CERT1: variants seen among roughly 807,000 people sequenced by gnomAD.
CERT1 encodes ceramide transfer protein.
CERT1 carries 31 observed loss-of-function variants against 87.9 expected under a neutral mutation model. That is an observed-to-expected ratio of 0.35 (90% CI 0.27 to 0.48). The LOEUF is 0.48. CERT1 is among the 20% of genes least tolerant of loss of function. The pLI is 0.99. For missense variants in CERT1, 487 were observed against 758.0 expected, an observed-to-expected ratio of 0.64 and a Z score of 4.20; for synonymous variants, 289 against 250.9, an observed-to-expected ratio of 1.15 and a Z score of -1.44.
At chr5:75,495,540 A>G (rs1347086152) in intron 2 of CERT1, among the ~76,000 whole-genome samples, 2 of 152,018 alleles carry the variant, frequency 1.3e-5, no homozygotes, top group African/African-American at 2.4e-5. Context: ...CCTGGGCAAC[A>G]GACTGAGACC....
rs1338345260 is a variant in CERT1 at position 75,399,351 on chromosome 5, G to C, written c.1147C>G (p.Leu383Val). The C allele has an allele frequency of 4.3e-6, 7 of 1,613,270 alleles. No homozygotes were observed. The highest frequency in any genetic ancestry group is 1.7e-5 in the Admixed American group (1 of 60,002). ...SRSSSMSSID[L>V]VSASDDVHRF... Reference sequence around the variant, plus strand: ...TGAACATCATCAGAGGCACTGACTAGATCAATGGAAGACATGGAGGAAGAG... The same window carrying C: ...TGAACATCATCAGAGGCACTGACTACATCAATGGAAGACATGGAGGAAGAG... Residue 383 changes from leucine (L) to valine (V), a missense_variant, in exon 11 of 17, where the codon CTA (leucine) becomes GTA (valine). Coordinates refer to ENST00000643780, the MANE Select transcript of CERT1 (RefSeq NM_001379029.1).
At chr5:75,486,479 G>T (rs1766528512) in intron 2 of CERT1, among the ~76,000 whole-genome samples, 2 of 152,048 alleles carry the variant, frequency 1.3e-5, no homozygotes, top group African/African-American at 4.8e-5. Flanking sequence ...ACATAGGACT[G>T]AAAGTCCCAG....
At chr5:75,430,616 C>T (rs898212198) in intron 3 of CERT1, among the ~76,000 whole-genome samples, 2 of 151,726 alleles carry the variant, frequency 1.3e-5, no homozygotes, top group African/African-American at 4.8e-5. Context: ...AAAATGGGTA[C>T]TTTTTAAGAA....
At chr5:75,483,407 C>G (rs1766347723) in intron 2 of CERT1, among the ~76,000 whole-genome samples, 1 of 152,080 alleles carries the variant, frequency 6.6e-6, no homozygotes. Flanking sequence ...AAGGGCAACT[C>G]TAAGAGTCAC....
intron 5 of CERT1, among the ~76,000 whole-genome samples, chr5:75,424,112 G>A (rs766977526): frequency 6.6e-6 from 1 of 152,072 alleles, no homozygotes; most frequent in Admixed American, 6.6e-5. Flanking sequence ...GTATTTTTGG[G>A]ACTAACAAAG....
At chr5:75,379,981 C>T (rs1761498613) in intron 16 of CERT1, among the ~76,000 whole-genome samples, 1 of 152,154 alleles carries the variant, frequency 6.6e-6, no homozygotes, top group Non-Finnish European at 1.5e-5. Flanking sequence ...AACCTTTCTA[C>T]AATGTTCTTA....
intron 2 of CERT1, among the ~76,000 whole-genome samples, chr5:75,505,026 C>CCT (rs1767587952): frequency 6.6e-6 from 1 of 152,114 alleles, no homozygotes; most frequent in Admixed American, 6.5e-5. Flanking sequence ...GTGGCTCATG[C>CCT]CTGTAATCCC....
intron 10 of CERT1, 110 bp downstream of exon 10, chr5:75,400,095 G>A: frequency 1.3e-6 from 1 of 783,492 alleles, no homozygotes; most frequent in Non-Finnish European, 2.1e-6. Context: ...TCGCGCCACT[G>A]CACTCCACTC....
At chr5:75,466,385 C>A (rs77626389) in intron 2 of CERT1, among the ~76,000 whole-genome samples, 2,349 of 152,318 alleles carry the variant, frequency 0.015, 63 homozygotes, top group African/African-American at 0.053. Context: ...GTACCAGCTA[C>A]GCATGCGCCA....
chr5:75,511,683 C>A, upstream of CERT1: 3 of 1,533,104 alleles, frequency 2.0e-6, no homozygotes, highest in South Asian at 3.7e-5. Flanking sequence ...TTCTCCCCCA[C>A]TACTCCCCGC....
At chr5:75,433,544 A>G (rs764174226) in intron 3 of CERT1, among the ~76,000 whole-genome samples, 3 of 152,136 alleles carry the variant, frequency 2.0e-5, no homozygotes, top group Non-Finnish European at 4.4e-5. Flanking sequence ...TTATCGAGAT[A>G]GGGTCTCGTG....
At chr5:75,485,526 A>C (rs1318107499) in intron 2 of CERT1, among the ~76,000 whole-genome samples, 1 of 151,850 alleles carries the variant, frequency 6.6e-6, no homozygotes, top group African/African-American at 2.4e-5. Flanking sequence ...AACATCAGAG[A>C]CAAATGAAAT....
intron 2 of CERT1, among the ~76,000 whole-genome samples, chr5:75,473,713 T>A (rs916230503): frequency 1.1e-4 from 17 of 152,188 alleles, no homozygotes; most frequent in Admixed American, 9.8e-4. Flanking sequence ...TGAAAAATGC[T>A]GAGAGTGGAT....
At chr5:75,509,801 A>G (rs1767833208) in intron 1 of CERT1, among the ~76,000 whole-genome samples, 1 of 152,222 alleles carries the variant, frequency 6.6e-6, no homozygotes, top group African/African-American at 2.4e-5. Context: ...CTGAAAATGT[A>G]TACCTACTAC....
chr5:75,452,139 C>G (rs1764792489), intron 3 of CERT1, among the ~76,000 whole-genome samples: 1 of 152,190 alleles, frequency 6.6e-6, no homozygotes, highest in African/African-American at 2.4e-5. Flanking sequence ...ATTTGGCCTT[C>G]ACAAAGGGTA....
intron 5 of CERT1, among the ~76,000 whole-genome samples, chr5:75,424,099 G>A (rs1201081155): frequency 1.3e-5 from 2 of 152,166 alleles, no homozygotes; most frequent in Admixed American, 1.3e-4. Flanking sequence ...GTTGACATCA[G>A]CAGTATTTTT....
chr5:75,404,920 T>G (rs764708348), intron 8 of CERT1, among the ~76,000 whole-genome samples: 28 of 152,132 alleles, frequency 1.8e-4, no homozygotes, highest in South Asian at 1.2e-3. Flanking sequence ...GGCACAATAA[T>G]TGCTTGAACC....
intron 2 of CERT1, among the ~76,000 whole-genome samples, chr5:75,472,065 A>G: frequency 6.6e-6 from 1 of 152,332 alleles, no homozygotes; most frequent in Non-Finnish European, 1.5e-5. Flanking sequence ...ACAGGTAACT[A>G]GCATAAAAAT....
rs572601754 is a variant in CERT1, at chr5:75,440,816, G to A, written c.349-14338C>T. 3.2e-4 allele frequency among the ~76,000 whole-genome samples: 49 copies of A among 152,170 alleles called. 1 individual carries two copies. The highest frequency in any genetic ancestry group is 5.9e-4 in the Non-Finnish European group (40 of 67,956). On this transcript the variant is annotated intron_variant, in intron 3 of 16. Transcript: ENST00000643780. The stretch of plus-strand genomic sequence containing the variant: ...AATATAACATGGTACCATAGAAGTA[G>A]AGGGCCATAACAGCTGCCCCCATTC...
Sources: gnomAD v4.1 joint callset for allele counts (sites outside exome capture counted in the v4.1 genomes callset) on GRCh38, gnomAD v4.1.1 for gene constraint, MANE v1.5 for transcripts, NCBI Gene and HGNC (gene_info 2026-07-23, HGNC 2026-07-21) for gene names.